AAR2: variants seen among roughly 807,000 people sequenced by gnomAD.
AAR2 encodes protein AAR2 homolog.
Under a neutral mutation model 26.9 loss-of-function variants are expected in AAR2, and 31 were observed. That is an observed-to-expected ratio of 1.15 (90% confidence interval 0.86 to 1.55). The LOEUF (loss-of-function observed/expected upper bound fraction) is 1.55, where lower values mean the gene tolerates loss of function less well. Ranked by LOEUF, AAR2 falls within the 40% of genes most tolerant of loss-of-function variation. AAR2 has a pLI of 0.00. For synonymous variants in AAR2, 188 were observed against 196.1 expected, an observed-to-expected ratio of 0.96 and a Z score of 0.34; for missense variants, 430 against 491.3, an observed-to-expected ratio of 0.88 and a Z score of 1.18.
At chr20:36,251,451 T>C (rs1163949513) in intron 3 of AAR2, among the ~76,000 whole-genome samples, 1 of 152,162 alleles carries the variant, frequency 6.6e-6, no homozygotes, top group East Asian at 1.9e-4. Flanking sequence ...ACCCAGACTA[T>C]GCCCTGTGTC....
intron 2 of AAR2, 22 bp from the exon 3 acceptor site, chr20:36,244,675 T>G (rs1569426313): frequency 6.2e-7 from 1 of 1,605,074 alleles, no homozygotes; most frequent in African/African-American, 1.4e-5. Context: ...TCAGAATCAC[T>G]TCTCCTCTCT....
chr20:36,244,659 T>C (rs1311709057), intron 2 of AAR2, 38 bp from the exon 3 acceptor site: 10 of 1,598,462 alleles, frequency 6.3e-6, no homozygotes, highest in Middle Eastern at 1.7e-4. Flanking sequence ...CTGGTCCTCC[T>C]CTCCCTCAGA....
rs531754189 is a variant in AAR2 at position 36,238,365 on chromosome 20, A to T, written c.-48-1456A>T. ...ACACAAAGTGCTGATTCAGGGTAAG[A>T]GTCATTTGTGGTGGTTTTGAGGTAA... On this transcript the variant is annotated intron_variant, in intron 1 of 3. Transcript: ENST00000320849. 5.3e-5 allele frequency among the ~76,000 whole-genome samples: 8 copies of T among 152,316 alleles called. No individual in the cohort carries two copies. The South Asian group carries it at 1.7e-3, about 32-fold the overall frequency.
At position 36,255,651 on chromosome 20, in the gene AAR2, A is replaced by T. The variant is rs767585341; in HGVS notation, c.1061A>T (p.His354Leu). Residue 354 changes from histidine to leucine, a missense_variant, in exon 4 of 4, where the codon CAC becomes CTC. Coordinates refer to ENST00000320849, the MANE Select transcript of AAR2 (RefSeq NM_001271874.2). ...LRKKAEKFQA[H>L]LTKKFRWDFA... ...AAGAAAGCTGAAAAGTTCCAAGCTCACCTGACCAAGAAGTTCCGGTGGGAC... is the reference window on the plus strand; with the variant it reads ...AAGAAAGCTGAAAAGTTCCAAGCTCTCCTGACCAAGAAGTTCCGGTGGGAC... 5.0e-6 allele frequency: 8 copies of T among 1,613,998 alleles called. No homozygotes were observed. Among genetic ancestry groups the T allele is most frequent in the Non-Finnish European group, 5.1e-6 (6 of 1,180,020 alleles).
chr20:36,251,495 C>T (rs950599460), intron 3 of AAR2, among the ~76,000 whole-genome samples: 1 of 152,074 alleles, frequency 6.6e-6, no homozygotes, highest in African/African-American at 2.4e-5. Context: ...TTCAGAAGCA[C>T]CTTGGTTCCC....
chr20:36,241,536 C>G lies in AAR2; in HGVS notation c.757+911C>G, dbSNP rs568029325. On this transcript the variant is annotated intron_variant, in intron 2 of 3. Transcript: ENST00000320849. Reference sequence around the variant, plus strand: ...GTGTGGTGACTCACACCTGTAATCCCAGCACTTTGGGAGGCTGAGGCCGGT... The same window carrying G: ...GTGTGGTGACTCACACCTGTAATCCGAGCACTTTGGGAGGCTGAGGCCGGT... Among the ~76,000 whole-genome samples the G allele has an allele frequency of 2.0e-5, 3 of 152,248 alleles. No homozygotes were observed. The East Asian group carries it at 5.8e-4, about 29-fold the overall frequency.
chr20:36,243,431 C>T (rs1258768978), intron 2 of AAR2, among the ~76,000 whole-genome samples: 1 of 152,190 alleles, frequency 6.6e-6, no homozygotes, highest in African/African-American at 2.4e-5. Context: ...GAACAGGGAG[C>T]TAGTTTTTCC....
chr20:36,255,339 A>G (rs1054190346), intron 3 of AAR2, among the ~76,000 whole-genome samples: 2 of 152,160 alleles, frequency 1.3e-5, no homozygotes, highest in African/African-American at 4.8e-5. Context: ...GAGCCAGGGT[A>G]ATGGCCCCCA....
rs141691493 is a variant in AAR2, at chr20:36,240,420, G to C, written c.552G>C (p.Glu184Asp). 1 of 1,614,250 alleles carries C rather than the reference G, an allele frequency of 6.2e-7. No individual in the cohort carries two copies. Among genetic ancestry groups the C allele is most frequent in the Middle Eastern group, 1.6e-4 (1 of 6,062 alleles). Residue 184 changes from glutamate to aspartate, a missense_variant, in exon 2 of 4, where the codon GAG becomes GAC. Glu to Asp is a conservative substitution (Grantham distance 45). Coordinates refer to ENST00000320849, the MANE Select transcript of AAR2 (RefSeq NM_001271874.2). ...AGAATCTACCCCGCTGTGGCATTGA[G>C]TGCAAAAGCTACCAAGAGGGCCTGG... ...VGQNLPRCGI[E>D]CKSYQEGLAR...
At position 36,242,363 on chromosome 20, in the gene AAR2, T is replaced by TG. The variant is rs1270529308; in HGVS notation, c.757+1738_757+1739insG. On this transcript the variant is annotated intron_variant, in intron 2 of 3. Coordinates refer to ENST00000320849, the MANE Select transcript of AAR2 (RefSeq NM_001271874.2). ...TAACCTATATTTTAACAGGTACATCTTTTGTTGTTGTTGTTGTTGTTGTTG... is the reference window on the plus strand; with the variant it reads ...TAACCTATATTTTAACAGGTACATCTGTTTGTTGTTGTTGTTGTTGTTGTTG... 9.0e-5 allele frequency among the ~76,000 whole-genome samples: 12 copies of TG among 133,130 alleles called. No individual in the cohort carries two copies. In the South Asian group the frequency reaches 1.4e-3, roughly 15 times the overall value. The allele number at this position is 133,130 out of a possible 152,430, so 87.3% of individuals were successfully genotyped here.
At chr20:36,248,994 A>G (rs75155387) in intron 3 of AAR2, among the ~76,000 whole-genome samples, 145 of 152,194 alleles carry the variant, frequency 9.5e-4, no homozygotes, top group African/African-American at 3.4e-3. Context: ...GAATCAGCCC[A>G]TAAAAGCCTT....
At chr20:36,249,920 C>G (rs2064768100) in intron 3 of AAR2, among the ~76,000 whole-genome samples, 1 of 152,204 alleles carries the variant, frequency 6.6e-6, no homozygotes, top group Admixed American at 6.5e-5. Context: ...TCCTGGTCAT[C>G]ATTGTGAAAC....
At chr20:36,255,458 T>C (rs964908318) in intron 3 of AAR2, 120 bp from the exon 4 acceptor site, 56 of 1,176,916 alleles carry the variant, frequency 4.8e-5, no homozygotes, top group Non-Finnish European at 5.6e-5. Context: ...CCTGGGCCTA[T>C]GCCAGCAGCA....
rs556539419 is a variant in AAR2 at position 36,237,531 on chromosome 20, C to T, written c.-49+1028C>T. On this transcript the variant is annotated intron_variant, in intron 1 of 3. Coordinates refer to ENST00000320849, the MANE Select transcript of AAR2 (RefSeq NM_001271874.2). ...TTTAATAAACGTTTTCCTAGCATCT[C>T]CTCTGTGCTAGGCCCTGTGCCAGCT... Among the ~76,000 whole-genome samples, 135 of 152,108 alleles carry T rather than the reference C, an allele frequency of 8.9e-4. 1 individual carries two copies. Among genetic ancestry groups the T allele is most frequent in the African/African-American group, 3.1e-3 (130 of 41,498 alleles).
chr20:36,240,490 T>C lies in AAR2; in HGVS notation c.622T>C (p.Phe208Leu), dbSNP rs1032942833. The change falls in exon 2 of 4, where the codon TTC becomes CTC. Residue 208 changes from phenylalanine (F) to leucine (L), a missense_variant. Transcript: ENST00000320849. Reference sequence around the variant, plus strand: ...GCCCAGAGCCGGGACAGAGATCCGCTTCTCAGAGCTGCCCACGCAGATGTT... The same window carrying C: ...GCCCAGAGCCGGGACAGAGATCCGCCTCTCAGAGCTGCCCACGCAGATGTT... ...MKPRAGTEIR[F>L]SELPTQMFPE... 1 of 1,613,956 alleles carries C rather than the reference T, an allele frequency of 6.2e-7. No individual in the cohort carries two copies. The highest frequency in any genetic ancestry group is 8.5e-7 in the Non-Finnish European group (1 of 1,180,036).
At chr20:36,239,294 C>T (rs2064650670) in intron 1 of AAR2, among the ~76,000 whole-genome samples, 1 of 152,228 alleles carries the variant, frequency 6.6e-6, no homozygotes, top group Non-Finnish European at 1.5e-5. Context: ...CCACTTGCTA[C>T]CGTCTGTCCA....
Position 36,240,138 on chromosome 20 carries a change from C to A in AAR2, c.270C>A (p.Arg90=). The change falls in exon 2 of 4, where the codon CGC becomes CGA. Residue 90 remains arginine, a synonymous_variant. Transcript: ENST00000320849. ...SLHQRGLTVL[R]WSTLREEVDL... is the part of the protein sequence containing the mutation. ...ACCAGCGGGGGCTGACAGTGCTGCGCTGGAGCACACTCAGGGAAGAGGTAG... is the reference window on the plus strand; with the variant it reads ...ACCAGCGGGGGCTGACAGTGCTGCGATGGAGCACACTCAGGGAAGAGGTAG... The A allele has an allele frequency of 1.2e-6, 2 of 1,614,218 alleles. No homozygotes were observed. Among genetic ancestry groups the A allele is most frequent in the South Asian group, 2.2e-5 (2 of 91,084 alleles).
Position 36,244,706 on chromosome 20 carries a change from A to G in AAR2, c.767A>G (p.Gln256Arg). Residue 256 changes from glutamine (Q) to arginine (R), a missense_variant, in exon 3 of 4, where the codon CAG (glutamine) becomes CGG (arginine). Transcript: ENST00000320849. ...SSPQDVLGELQFAFVCFLLGN... is the reference protein window; with the variant it reads ...SSPQDVLGELRFAFVCFLLGN... ...TCTCTGCACCTTTCAGGTGAACTCC[A>G]GTTTGCTTTTGTGTGCTTCCTGCTG... 1 of 1,614,040 alleles carries G rather than the reference A, an allele frequency of 6.2e-7. No individual in the cohort carries two copies. Among genetic ancestry groups the G allele is most frequent in the Non-Finnish European group, 8.5e-7 (1 of 1,180,002 alleles).
rs1569424376 is a variant in AAR2 at position 36,240,534 on chromosome 20, AGCT to A, written c.668_670del (p.Ala223del). The A allele has an allele frequency of 6.2e-7, 1 of 1,613,840 alleles. No homozygotes were observed. The highest frequency in any genetic ancestry group is 1.3e-5 in the African/African-American group (1 of 74,930). On this transcript the variant is annotated inframe_deletion, in exon 2 of 4. Coordinates refer to ENST00000320849, the MANE Select transcript of AAR2 (RefSeq NM_001271874.2). ...AGATGTTCCCAGAGGGTGCCACGCC[AGCT>A]GAGATAACCAAGCACAGCATGGACC...
Sources: gnomAD v4.1 joint callset for allele counts (sites outside exome capture counted in the v4.1 genomes callset) on GRCh38, gnomAD v4.1.1 for gene constraint, MANE v1.5 for transcripts, NCBI Gene and HGNC (gene_info 2026-07-23, HGNC 2026-07-21) for gene names.